CNTN5: variants seen among roughly 807,000 people sequenced by gnomAD.
CNTN5 encodes contactin 5.
Under a neutral mutation model 129.1 loss-of-function variants are expected in CNTN5, and 77 were observed. The ratio of observed to expected loss-of-function variants is 0.60; its 90% CI spans 0.50 to 0.72. CNTN5 has a LOEUF of 0.72. Among genes scored for constraint, CNTN5 ranks in the 30% least tolerant of loss-of-function variants. CNTN5 has a pLI of 0.00. For missense variants in CNTN5, 1,478 were observed against 1,328.8 expected, an observed-to-expected ratio of 1.11 and a Z score of -1.75; for synonymous variants, 509 against 465.6, an observed-to-expected ratio of 1.09 and a Z score of -1.20.
At chr11:99,087,017 G>A (rs1866034081) in intron 1 of CNTN5, among the ~76,000 whole-genome samples, 1 of 152,192 alleles carries the variant, frequency 6.6e-6, no homozygotes, top group African/African-American at 2.4e-5. Flanking sequence ...TTATCACCCA[G>A]TAAGTGGTAA....
intron 3 of CNTN5, among the ~76,000 whole-genome samples, chr11:99,691,870 T>C (rs1475088488): frequency 1.3e-5 from 2 of 152,136 alleles, no homozygotes; most frequent in Non-Finnish European, 2.9e-5. Context: ...TATTATTGTG[T>C]GGGAGTCTAA....
chr11:99,808,021 C>T (rs1355067013), intron 3 of CNTN5, among the ~76,000 whole-genome samples: 1 of 152,048 alleles, frequency 6.6e-6, no homozygotes, highest in Non-Finnish European at 1.5e-5. Context: ...GAAGGCAACA[C>T]CAAGAGAAAT....
intron 13 of CNTN5, among the ~76,000 whole-genome samples, chr11:100,079,098 G>T (rs947885719): frequency 2.0e-5 from 3 of 152,100 alleles, no homozygotes; most frequent in African/African-American, 7.2e-5. Flanking sequence ...CCTATCACGA[G>T]AACAGCGTGC....
At position 99,547,349 on chromosome 11, in the gene CNTN5, A is replaced by G. The variant is rs1948333494; in HGVS notation, c.-70-8796A>G. Among the ~76,000 whole-genome samples, 3 of 152,186 alleles carry G rather than the reference A, an allele frequency of 2.0e-5. No individual in the cohort carries two copies. The South Asian group carries it at 6.2e-4, about 31-fold the overall frequency. ...GAGCTATAAATGTTTGAAGTGGAGC[A>G]GTGGAAGGTATGTGGGCAGACAAAT... is the stretch of plus-strand genomic sequence containing the variant. On this transcript the variant is annotated intron_variant, in intron 2 of 24. Coordinates refer to ENST00000524871, the MANE Select transcript of CNTN5 (RefSeq NM_014361.4).
chr11:99,213,051 C>T (rs982189004), intron 1 of CNTN5, among the ~76,000 whole-genome samples: 5 of 151,566 alleles, frequency 3.3e-5, no homozygotes, highest in South Asian at 4.2e-4. Context: ...ATTAGCTGGG[C>T]GTGGTGGCAC....
intron 2 of CNTN5, among the ~76,000 whole-genome samples, chr11:99,335,369 C>T (rs1183514804): frequency 6.6e-6 from 1 of 151,966 alleles, no homozygotes; most frequent in Admixed American, 6.6e-5. Flanking sequence ...GTCATGTTAC[C>T]TATATGGTGC....
intron 3 of CNTN5, among the ~76,000 whole-genome samples, chr11:99,748,392 C>T (rs1944126264): frequency 6.7e-6 from 1 of 149,692 alleles, no homozygotes; most frequent in South Asian, 2.2e-4. Flanking sequence ...TTGTATTAGT[C>T]AGTCTCCAGC....
intron 3 of CNTN5, among the ~76,000 whole-genome samples, chr11:99,810,776 A>G (rs931467115): frequency 1.3e-5 from 2 of 152,166 alleles, no homozygotes; most frequent in Admixed American, 6.6e-5. Context: ...AAGAGAGGAC[A>G]GCCTTAGCAA....
At chr11:99,346,978 C>G (rs1332392446) in intron 2 of CNTN5, among the ~76,000 whole-genome samples, 12 of 152,138 alleles carry the variant, frequency 7.9e-5, no homozygotes, top group Non-Finnish European at 1.6e-4. Flanking sequence ...TTATAGCAGC[C>G]CAGACTGACA....
chr11:99,428,731 T>G (rs986743019), intron 2 of CNTN5, among the ~76,000 whole-genome samples: 2 of 152,098 alleles, frequency 1.3e-5, no homozygotes, highest in Non-Finnish European at 2.9e-5. Flanking sequence ...TTTCCCTAAT[T>G]TACTATTTTT....
intron 1 of CNTN5, among the ~76,000 whole-genome samples, chr11:99,210,747 T>C (rs11825110): frequency 0.34 from 51,954 of 152,074 alleles, 9,319 homozygotes; most frequent in Middle Eastern, 0.49. Flanking sequence ...ACCCACATAG[T>C]ATAATGTGAT....
intron 3 of CNTN5, among the ~76,000 whole-genome samples, chr11:99,807,635 C>G (rs76140677): frequency 0.034 from 5,134 of 152,176 alleles, 130 homozygotes; most frequent in South Asian, 0.1. Context: ...CTGTCTCAGC[C>G]TCCTAAATAG....
At chr11:99,693,514 G>A (rs1954128614) in intron 3 of CNTN5, among the ~76,000 whole-genome samples, 1 of 151,710 alleles carries the variant, frequency 6.6e-6, no homozygotes, top group Admixed American at 6.6e-5. Context: ...ATGAAATGAG[G>A]CATGACAAGC....
chr11:99,758,223 C>G (rs1307790560), intron 3 of CNTN5, among the ~76,000 whole-genome samples: 1 of 151,982 alleles, frequency 6.6e-6, no homozygotes, highest in Non-Finnish European at 1.5e-5. Context: ...ACTTCAAACC[C>G]TCCCTTTTTT....
intron 3 of CNTN5, among the ~76,000 whole-genome samples, chr11:99,623,701 A>T (rs994345924): frequency 1.3e-5 from 2 of 151,630 alleles, no homozygotes; most frequent in Non-Finnish European, 2.9e-5. Context: ...TTTACCAACA[A>T]ACAGTAGTGG....
At chr11:100,227,743 C>T (rs575069947) in intron 16 of CNTN5, among the ~76,000 whole-genome samples, 2 of 152,240 alleles carry the variant, frequency 1.3e-5, no homozygotes, top group Non-Finnish European at 2.9e-5. Context: ...ATCTGTGCAC[C>T]ATTTTAGTCA....
At chr11:100,071,485 C>CA (rs901795415) in intron 11 of CNTN5, among the ~76,000 whole-genome samples, 6 of 151,974 alleles carry the variant, frequency 3.9e-5, no homozygotes, top group African/African-American at 1.4e-4. Flanking sequence ...AGAATAACTA[C>CA]AAAAAAATTG....
chr11:99,151,632 T>A (rs76006542), intron 1 of CNTN5, among the ~76,000 whole-genome samples: 172 of 152,192 alleles, frequency 1.1e-3, no homozygotes, highest in African/African-American at 3.9e-3. Context: ...AATTATAGTG[T>A]GAAATATTTG....
intron 7 of CNTN5, among the ~76,000 whole-genome samples, chr11:99,929,203 G>A (rs1484207059): frequency 1.3e-5 from 2 of 152,080 alleles, no homozygotes; most frequent in African/African-American, 4.8e-5. Flanking sequence ...TCAGCATTTT[G>A]GTCAAAGCCA....
Sources: gnomAD v4.1 joint callset for allele counts (sites outside exome capture counted in the v4.1 genomes callset) on GRCh38, gnomAD v4.1.1 for gene constraint, MANE v1.5 for transcripts, NCBI Gene and HGNC (gene_info 2026-07-23, HGNC 2026-07-21) for gene names.